The following CDK13 variants were observed in gnomAD, a reference collection of about 807,000 sequenced individuals.
CDK13 encodes cyclin dependent kinase 13, also known as cyclin-dependent kinase 13.
CDK13 carries 40 observed loss-of-function variants against 137.6 expected under a neutral mutation model. The observed-to-expected ratio is 0.29, with a 90% CI of 0.23 to 0.38. The LOEUF is 0.38. Ranked by LOEUF, CDK13 falls within the 10% of genes least tolerant of loss-of-function variation. The pLI, the probability that CDK13 is intolerant of heterozygous loss-of-function variation, is 1.00. For missense variants in CDK13, 1,704 were observed against 1,951.8 expected (o/e 0.87, Z 2.39); for synonymous variants, 869 against 760.1 (o/e 1.14, Z -2.36).
At chr7:40,018,379 A>G (rs886660222) in intron 5 of CDK13, among the ~76,000 whole-genome samples, 20 of 144,960 alleles carry the variant, frequency 1.4e-4, no homozygotes, top group African/African-American at 4.9e-4. Context: ...TAATTCTGCA[A>G]TTGTATTTTT....
chr7:39,992,908 A>G (rs554349469), intron 2 of CDK13, among the ~76,000 whole-genome samples: 4 of 152,288 alleles, frequency 2.6e-5, no homozygotes, highest in South Asian at 4.1e-4. Context: ...TGCTGTTGTT[A>G]CAGGAGGACC....
At chr7:40,016,420 T>G (rs527779506) in intron 5 of CDK13, among the ~76,000 whole-genome samples, 1 of 152,346 alleles carries the variant, frequency 6.6e-6, no homozygotes, top group South Asian at 2.1e-4. Context: ...TCTACCTATA[T>G]GTACTAGATG....
intron 7 of CDK13, among the ~76,000 whole-genome samples, chr7:40,052,281 A>G (rs1197743454): frequency 6.6e-6 from 1 of 152,070 alleles, no homozygotes; most frequent in African/African-American, 2.4e-5. Context: ...GGTTTAAGCG[A>G]TTCTCCTGCC....
intron 5 of CDK13, among the ~76,000 whole-genome samples, chr7:40,004,671 A>G (rs536340118): frequency 6.6e-6 from 1 of 152,322 alleles, no homozygotes; most frequent in Non-Finnish European, 1.5e-5. Context: ...GTTAGAGCAT[A>G]AAGACAGTTC....
At position 39,951,622 on chromosome 7, in the gene CDK13, GTC is replaced by G; in HGVS notation, c.982_983del (p.Ser328ProfsTer57). 1 of 1,485,678 alleles carries G rather than the reference GTC, an allele frequency of 6.7e-7. No individual in the cohort carries two copies. The allele number at this position is 1,485,678 out of a possible 1,614,324, so 92.0% of individuals were successfully genotyped here. ...TGGGAGGCCGGGACGACAGCCCGGT[GTC>G]CCACAGGGCCTCTCAGAGCCTGAGG... ...PLGGRDDSPVSHRASQSLRSR... is the reference protein window; with the variant it reads ...PLGGRDDSPVXHRASQSLRSR... On this transcript the variant is annotated frameshift_variant, in exon 1 of 14. Transcript: ENST00000181839. LOFTEE classifies it high-confidence loss of function.
intron 5 of CDK13, among the ~76,000 whole-genome samples, chr7:40,018,077 T>TA (rs922675908): frequency 4.0e-5 from 6 of 151,056 alleles, no homozygotes; most frequent in Admixed American, 6.6e-5. Context: ...CTTTCCCCTT[T>TA]AAAAAAAAAG....
At position 39,996,961 on chromosome 7, in the gene CDK13, C is replaced by CAAAAAAAAAAAAAA. The variant is rs72210233; in HGVS notation, c.1872-531_1872-518dup. 1.7e-4 allele frequency among the ~76,000 whole-genome samples: 14 copies of CAAAAAAAAAAAAAA among 83,228 alleles called. 1 individual carries two copies. Among genetic ancestry groups the CAAAAAAAAAAAAAA allele is most frequent in the African/African-American group, 1.0e-3 (13 of 12,716 alleles). 54.6% of individuals were successfully genotyped at this position (83,228 alleles called of 152,430 possible). On this transcript the variant is annotated intron_variant, in intron 2 of 13. Transcript: ENST00000181839. ...CTTGGGTGACAGTGAGATTCCATCT[C>CAAAAAAAAAAAAAA]AAAAAAAAAAAAAAAGAAAAAAAAA...
intron 1 of CDK13, among the ~76,000 whole-genome samples, chr7:39,975,232 G>A (rs143520336): frequency 1.0e-3 from 156 of 152,122 alleles, no homozygotes; most frequent in African/African-American, 3.5e-3. Context: ...TGGGAAACAT[G>A]GCAAAAACTT....
At chr7:40,003,206 A>ACACACACACTCTCTCT (rs374470130) in intron 5 of CDK13, among the ~76,000 whole-genome samples, 17 of 79,900 alleles carry the variant, frequency 2.1e-4, no homozygotes, top group African/African-American at 7.6e-4. Context: ...ACACACACAC[A>ACACACACACTCTCTCT]CTCTCTCTCT....
Position 39,950,323 on chromosome 7 carries a change from G to A in CDK13, c.-319G>A, listed in dbSNP as rs914006170. The A allele has an allele frequency of 2.1e-5, 24 of 1,133,110 alleles. No homozygotes were observed. Among genetic ancestry groups the A allele is most frequent in the African/African-American group, 1.9e-4 (12 of 62,198 alleles). The allele number at this position is 1,133,110 out of a possible 1,614,324, so 70.2% of individuals were successfully genotyped here. ...CGCTCCCCCACCCCCGGGGGCACTT[G>A]GAGGACTCGGGACTCCCCCGCAGGT... is the stretch of plus-strand genomic sequence containing the variant. On this transcript the variant is annotated 5_prime_UTR_variant, in exon 1 of 14. Coordinates refer to ENST00000181839, the MANE Select transcript of CDK13 (RefSeq NM_003718.5).
chr7:40,039,422 C>T (rs1014931836), intron 5 of CDK13, among the ~76,000 whole-genome samples: 1 of 137,682 alleles, frequency 7.3e-6, no homozygotes, highest in African/African-American at 3.0e-5. Flanking sequence ...TGCCCACGAC[C>T]ATGCCCGGCT....
intron 11 of CDK13, among the ~76,000 whole-genome samples, chr7:40,087,591 C>T (rs1322234356): frequency 6.8e-6 from 1 of 146,710 alleles, no homozygotes; most frequent in Non-Finnish European, 1.5e-5. Context: ...CTGTGTCACC[C>T]AGGCTGGAGT....
chr7:39,951,951 C>G (rs530918631), intron 1 of CDK13, 99 bp downstream of exon 1: 2 of 1,224,968 alleles, frequency 1.6e-6, no homozygotes, highest in South Asian at 3.4e-5. Context: ...CGACTCAGGT[C>G]CACCACCGAG....
chr7:40,077,952 A>G (rs200590777), intron 9 of CDK13, 53 bp from the exon 10 acceptor site: 1 of 728,282 alleles, frequency 1.4e-6, no homozygotes, highest in Non-Finnish European at 2.2e-6. Context: ...TAACAGTTGT[A>G]TGTATTCTTT....
Position 39,999,360 on chromosome 7 carries a change from G to C in CDK13, c.2043-1G>C. 6.2e-7 allele frequency: 1 copy of C among 1,605,520 alleles called. No homozygotes were observed. On this transcript the variant is annotated splice_acceptor_variant, in intron 3 of 13. Transcript: ENST00000181839. LOFTEE classifies it high-confidence loss of function. ...AAAAACTTTAGAACTATATTTGATA[G>C]AATATGTGGGCCTCGCTATGGTGAA...
At position 39,951,011 on chromosome 7, in the gene CDK13, C is replaced by T. The variant is rs1202031047; in HGVS notation, c.370C>T (p.Pro124Ser). The T allele has an allele frequency of 1.4e-5, 18 of 1,303,076 alleles. No individual in the cohort carries two copies. In the Admixed American group the frequency reaches 3.3e-4, roughly 24 times the overall value. The allele number at this position is 1,303,076 out of a possible 1,614,324, so 80.7% of individuals were successfully genotyped here. The change falls in exon 1 of 14, where the codon CCC becomes TCC. Residue 124 changes from proline to serine, a missense_variant. Around this residue, in one of 5 missense-constraint regions of CDK13, gnomAD observed 1,051 missense variants for 931.0 expected, o/e 1.13. Coordinates refer to ENST00000181839, the MANE Select transcript of CDK13 (RefSeq NM_003718.5). The stretch of plus-strand genomic sequence containing the variant: ...GGAGAAGCGTCGGGTCTTCTCGCTG[C>T]CCCAGCCGCAGCAGGACGGCGGTGG... ...EAEKRRVFSL[P>S]QPQQDGGGGA...
At chr7:40,032,802 G>C (rs1785408312) in intron 5 of CDK13, among the ~76,000 whole-genome samples, 1 of 151,366 alleles carries the variant, frequency 6.6e-6, no homozygotes. Context: ...GTAGCTTTAT[G>C]GTCAGTCTTA....
intron 5 of CDK13, among the ~76,000 whole-genome samples, chr7:40,038,756 C>G (rs1785539586): frequency 6.6e-6 from 1 of 151,824 alleles, no homozygotes; most frequent in African/African-American, 2.4e-5. Context: ...AGTGCAATGG[C>G]ATGATCTTGG....
In CDK13 at chr7:40,018,844, C is replaced by T. The variant is rs146884574; in HGVS notation, c.2353+16813C>T. 4.6e-3 allele frequency among the ~76,000 whole-genome samples: 699 copies of T among 152,104 alleles called. 4 individuals carry two copies. The highest frequency in any genetic ancestry group is 0.015 in the African/African-American group (629 of 41,462). The stretch of plus-strand genomic sequence containing the variant: ...CATACTTCACCGCTATACAATTCAT[C>T]CATGTAACCAAAAACCACTTGTACC... On this transcript the variant is annotated intron_variant, in intron 5 of 13. Coordinates refer to ENST00000181839, the MANE Select transcript of CDK13 (RefSeq NM_003718.5).
Sources: allele counts gnomAD v4.1 joint callset (sites outside exome capture counted in the v4.1 genomes callset), GRCh38; gene constraint gnomAD v4.1.1; regional missense constraint gnomAD v4.1.1; transcripts MANE v1.5; gene names NCBI Gene and HGNC (gene_info 2026-07-23, HGNC 2026-07-21).